Variants in TENM3 observed in about 807,000 individuals in gnomAD.
TENM3 encodes teneurin transmembrane protein 3.
In TENM3, 63 loss-of-function variants were observed where a neutral mutation model predicts 255.1. That is an observed-to-expected ratio of 0.25 (90% CI 0.20 to 0.30). The LOEUF (loss-of-function observed/expected upper bound fraction) is 0.30, where lower values mean the gene tolerates loss of function less well. Among genes scored for constraint, TENM3 ranks in the 10% least tolerant of loss-of-function variants. The pLI, the probability that TENM3 is intolerant of heterozygous loss-of-function variation, is 1.00. For synonymous variants in TENM3, 1,306 were observed against 1,322.3 expected (o/e 0.99, Z 0.27); for missense variants, 2,929 against 3,461.1 (o/e 0.85, Z 3.86).
intron 3 of TENM3, among the ~76,000 whole-genome samples, chr4:182,453,705 G>T (rs572091930): frequency 2.6e-5 from 4 of 152,184 alleles, no homozygotes; most frequent in Admixed American, 2.6e-4. Flanking sequence ...ACCTTAAACT[G>T]CAGGGAGAGA....
At chr4:182,286,670 C>T (rs928072863) in intron 1 of TENM3, among the ~76,000 whole-genome samples, 2 of 152,186 alleles carry the variant, frequency 1.3e-5, no homozygotes, top group African/African-American at 4.8e-5. Flanking sequence ...CTCAATCCTT[C>T]TTTGTCCTCA....
the TENM3 span, among the ~76,000 whole-genome samples, chr4:181,554,030 C>T: frequency 2.6e-5 from 4 of 152,158 alleles, no homozygotes; most frequent in African/African-American, 9.7e-5. Flanking sequence ...TGTCTTCCCT[C>T]ATGCGGCTCT....
intron 3 of TENM3, among the ~76,000 whole-genome samples, chr4:182,447,272 G>GAA (rs770714382): frequency 4.0e-4 from 56 of 140,504 alleles, no homozygotes; most frequent in East Asian, 1.0e-3. Context: ...GTTAGTGATA[G>GAA]AAAAAAAAAA....
At chr4:182,780,124 C>T (rs1765047802) in intron 24 of TENM3, among the ~76,000 whole-genome samples, 1 of 152,126 alleles carries the variant, frequency 6.6e-6, no homozygotes, top group African/African-American at 2.4e-5. Context: ...ACATGAAGTC[C>T]TTGCGCATGC....
At chr4:181,726,327 T>C in the TENM3 span, among the ~76,000 whole-genome samples, 2 of 152,162 alleles carry the variant, frequency 1.3e-5, no homozygotes, top group Non-Finnish European at 2.9e-5. Flanking sequence ...GAGGGCTTTA[T>C]GTGTAATGAG....
chr4:181,853,971 T>A, the TENM3 span, among the ~76,000 whole-genome samples: 1 of 152,352 alleles, frequency 6.6e-6, no homozygotes. Flanking sequence ...ATTTTTTAAA[T>A]GTTTTATTCA....
At chr4:182,334,470 G>T (rs936282207) in intron 2 of TENM3, among the ~76,000 whole-genome samples, 1 of 152,000 alleles carries the variant, frequency 6.6e-6, no homozygotes, top group Non-Finnish European at 1.5e-5. Flanking sequence ...CATAAAATTC[G>T]TATTTTCAAA....
chr4:182,011,146 A>G, the TENM3 span, among the ~76,000 whole-genome samples: 1 of 152,196 alleles, frequency 6.6e-6, no homozygotes, highest in Non-Finnish European at 1.5e-5. Context: ...TTTTCTTGGA[A>G]GTCCAGCTCC....
At chr4:182,243,245 G>T (rs759699646), upstream of TENM3, among the ~76,000 whole-genome samples, 15 of 152,212 alleles carry the variant, frequency 9.9e-5, no homozygotes, top group Non-Finnish European at 2.2e-4. Context: ...CTCCTGAGTA[G>T]CTGGGATTAC....
At chr4:181,745,775 G>A in the TENM3 span, among the ~76,000 whole-genome samples, 2 of 152,152 alleles carry the variant, frequency 1.3e-5, no homozygotes, top group Non-Finnish European at 2.9e-5. Context: ...AATTGTGATT[G>A]GGGAGGGAGA....
the TENM3 span, among the ~76,000 whole-genome samples, chr4:181,614,313 GT>G: frequency 6.6e-6 from 1 of 151,948 alleles, no homozygotes; most frequent in Admixed American, 6.5e-5. Flanking sequence ...GTGAAATGTT[GT>G]CTTCACATCT....
chr4:182,607,050 A>G (rs1044834716), intron 4 of TENM3, among the ~76,000 whole-genome samples: 4 of 152,204 alleles, frequency 2.6e-5, no homozygotes, highest in African/African-American at 9.6e-5. Flanking sequence ...TCAGTTTCCA[A>G]TGCAATAATA....
At chr4:182,322,975 G>A (rs1450184249) in intron 1 of TENM3, among the ~76,000 whole-genome samples, 1 of 152,154 alleles carries the variant, frequency 6.6e-6, no homozygotes, top group Non-Finnish European at 1.5e-5. Context: ...ACGAAGGGCT[G>A]AAGATAAAGC....
the TENM3 span, among the ~76,000 whole-genome samples, chr4:181,533,499 T>C: frequency 1.7e-3 from 266 of 152,194 alleles, 1 homozygote; most frequent in African/African-American, 6.2e-3. Context: ...CCCTTAAGGA[T>C]GGATTGGTTT....
intron 12 of TENM3, among the ~76,000 whole-genome samples, chr4:182,702,113 G>T (rs1757920142): frequency 6.6e-6 from 1 of 152,144 alleles, no homozygotes; most frequent in South Asian, 2.1e-4. Context: ...AAAATTACTA[G>T]TGAAGGAGCA....
chr4:182,730,362 T>C, intron 15 of TENM3, 43 bp downstream of exon 15: 3 of 1,607,688 alleles, frequency 1.9e-6, no homozygotes, highest in Non-Finnish European at 2.5e-6. Context: ...ATTTGAAATA[T>C]AAAAACTAGA....
chr4:182,326,708 T>C (rs1331177683), intron 2 of TENM3, among the ~76,000 whole-genome samples: 2 of 138,320 alleles, frequency 1.4e-5, no homozygotes, highest in African/African-American at 2.8e-5. Context: ...AGGGTAATTT[T>C]AAAGACATTT....
chr4:182,050,699 G>C, the TENM3 span, among the ~76,000 whole-genome samples: 1 of 152,062 alleles, frequency 6.6e-6, no homozygotes, highest in Non-Finnish European at 1.5e-5. Flanking sequence ...AACTACTCAG[G>C]AGGCTGAGGT....
At chr4:182,149,094 C>T (rs1579507507) in intron 1 of TENM3, among the ~76,000 whole-genome samples, 1 of 151,886 alleles carries the variant, frequency 6.6e-6, no homozygotes, top group African/African-American at 2.4e-5. Context: ...TCTTTACTTT[C>T]AGGAAGGAAA....
Sources: gnomAD v4.1 joint callset for allele counts (sites outside exome capture counted in the v4.1 genomes callset) on GRCh38, gnomAD v4.1.1 for gene constraint, MANE v1.5 for transcripts, NCBI Gene and HGNC (gene_info 2026-07-23, HGNC 2026-07-21) for gene names.